The following NT5DC1 variants were observed in gnomAD, a reference collection of about 807,000 sequenced individuals.
NT5DC1 encodes 5'-nucleotidase domain-containing protein 1.
A neutral mutation model predicts 59.4 loss-of-function variants in NT5DC1; 42 were observed. The ratio of observed to expected loss-of-function variants is 0.71; its 90% CI spans 0.55 to 0.92. The LOEUF (loss-of-function observed/expected upper bound fraction) is 0.92. Ranked by LOEUF, NT5DC1 falls within the 40% of genes least tolerant of loss-of-function variation. The pLI, the probability that NT5DC1 is intolerant of heterozygous loss-of-function variation, is 0.00. For synonymous variants in NT5DC1, 172 were observed against 188.1 expected (o/e 0.91, Z 0.70); for missense variants, 501 against 537.1 (o/e 0.93, Z 0.66).
intron 8 of NT5DC1, among the ~76,000 whole-genome samples, chr6:116,230,847 G>T (rs968008248): frequency 6.6e-6 from 1 of 152,116 alleles, no homozygotes; most frequent in Admixed American, 6.6e-5. Flanking sequence ...CTGTCTGCAG[G>T]AATCTTTCTG....
At chr6:116,139,533 A>G (rs1052437153) in intron 6 of NT5DC1, among the ~76,000 whole-genome samples, 3 of 152,190 alleles carry the variant, frequency 2.0e-5, no homozygotes, top group Admixed American at 6.5e-5. Context: ...TGCATTTAAA[A>G]TGCATTTTAC....
In NT5DC1 at chr6:116,221,628, A is replaced by G. The variant is rs187276867; in HGVS notation, c.704+400A>G. 6.6e-5 allele frequency among the ~76,000 whole-genome samples: 10 copies of G among 152,320 alleles called. No individual in the cohort carries two copies. The East Asian group carries it at 1.9e-3, about 29-fold the overall frequency. Reference sequence around the variant, plus strand: ...TCTTTAGTCATTTCCGTGCGGAGCCATGTATTTTACTGTTTAACACAGCCA... The same window carrying G: ...TCTTTAGTCATTTCCGTGCGGAGCCGTGTATTTTACTGTTTAACACAGCCA... On this transcript the variant is annotated intron_variant, in intron 7 of 11. Coordinates refer to ENST00000319550, the MANE Select transcript of NT5DC1 (RefSeq NM_152729.3).
Position 116,243,952 on chromosome 6 carries a change from T to G in NT5DC1, c.1296T>G (p.Asn432Lys). The change falls in exon 12 of 12, where the codon AAT (asparagine) becomes AAG (lysine). Residue 432 changes from asparagine (N) to lysine (K), a missense_variant. By Grantham distance (94) the Asn-to-Lys change is moderately conservative. Transcript: ENST00000319550. ...DYKFTRFSSS[N>K]SKTAGYYPNP... Reference sequence around the variant, plus strand: ...AATTTACAAGATTCTCTTCAAGCAATTCAAAAACAGCTGGCTACTATCCAA... The same window carrying G: ...AATTTACAAGATTCTCTTCAAGCAAGTCAAAAACAGCTGGCTACTATCCAA... The G allele has an allele frequency of 6.3e-7, 1 of 1,582,486 alleles. No homozygotes were observed. The highest frequency in any genetic ancestry group is 8.7e-7 in the Non-Finnish European group (1 of 1,155,648).
chr6:116,136,003 A>G (rs556480095), intron 6 of NT5DC1, among the ~76,000 whole-genome samples: 2 of 152,054 alleles, frequency 1.3e-5, no homozygotes, highest in South Asian at 2.1e-4. Context: ...ATCTCGAACT[A>G]TAGTCACCAT....
Position 116,101,141 on chromosome 6 carries a change from T to A in NT5DC1, c.93+118T>A, listed in dbSNP as rs894531317. On this transcript the variant is annotated intron_variant, in intron 1 of 11. Transcript: ENST00000319550. ...CCCGGGGCCTGCGGCGGCCGAGTCT[T>A]GCCGCAGAGCGCGGCCTCCAGCGGC... 12 of 694,692 alleles carry A rather than the reference T, an allele frequency of 1.7e-5. No individual in the cohort carries two copies. In the African/African-American group the frequency reaches 2.1e-4, roughly 12 times the overall value. 43.0% of individuals were successfully genotyped at this position (694,692 alleles called of 1,614,324 possible). A position where few individuals can be genotyped will look rare whatever the true frequency, so the allele number is the denominator to read the frequency against.
chr6:116,220,122 C>CTTTTTTTTTTTTTTTTTTT (rs60827021), intron 6 of NT5DC1, among the ~76,000 whole-genome samples: 5 of 98,620 alleles, frequency 5.1e-5, no homozygotes, highest in African/African-American at 1.7e-4. Context: ...GCTGTTTAAC[C>CTTTTTTTTTTTTTTTTTTT]TTTTTTTTTT....
At chr6:116,177,181 G>A (rs187961938) in intron 6 of NT5DC1, among the ~76,000 whole-genome samples, 13 of 152,042 alleles carry the variant, frequency 8.6e-5, no homozygotes, top group Non-Finnish European at 1.6e-4. Context: ...TGAGCTTTTC[G>A]TTTCCAACAA....
chr6:116,198,524 G>A (rs562777038), intron 6 of NT5DC1, among the ~76,000 whole-genome samples: 4 of 151,962 alleles, frequency 2.6e-5, no homozygotes, highest in South Asian at 4.2e-4. Context: ...GAGGCCAGGA[G>A]TTCAAGACTA....
chr6:116,239,399 G>A (rs953041530), intron 11 of NT5DC1, among the ~76,000 whole-genome samples: 3 of 152,046 alleles, frequency 2.0e-5, no homozygotes, highest in Non-Finnish European at 2.9e-5. Context: ...CCAGTAAGGT[G>A]AACCTGGCAT....
chr6:116,189,767 G>A (rs1466021877), intron 6 of NT5DC1, among the ~76,000 whole-genome samples: 1 of 151,850 alleles, frequency 6.6e-6, no homozygotes. Context: ...ATAGAAGATG[G>A]ATACAAAAAT....
rs745701381 is a variant in NT5DC1 at position 116,125,387 on chromosome 6, G to A, written c.529+7442G>A. 4 of 1,613,566 alleles carry A rather than the reference G, an allele frequency of 2.5e-6. 1 individual carries two copies. In the South Asian group the frequency reaches 4.4e-5, roughly 18 times the overall value. On this transcript the variant is annotated intron_variant, in intron 6 of 11. Coordinates refer to ENST00000319550, the MANE Select transcript of NT5DC1 (RefSeq NM_152729.3). ...ATGAAGAACTGTGTCTTGGTGTTGGGTAGTGGGCCTTTTATGCCTGTGGGC... is the reference window on the plus strand; with the variant it reads ...ATGAAGAACTGTGTCTTGGTGTTGGATAGTGGGCCTTTTATGCCTGTGGGC...
chr6:116,211,592 G>A (rs1036989574), intron 6 of NT5DC1, among the ~76,000 whole-genome samples: 4 of 151,932 alleles, frequency 2.6e-5, no homozygotes, highest in African/African-American at 9.7e-5. Context: ...CATTAGCCAT[G>A]CCAAATAAGT....
intron 6 of NT5DC1, among the ~76,000 whole-genome samples, chr6:116,165,289 G>A (rs576616797): frequency 6.6e-6 from 1 of 152,000 alleles, no homozygotes; most frequent in South Asian, 2.1e-4. Context: ...CATTGACCTT[G>A]GATAGTCTGA....
At chr6:116,135,408 A>C (rs1779564792) in intron 6 of NT5DC1, among the ~76,000 whole-genome samples, 1 of 151,610 alleles carries the variant, frequency 6.6e-6, no homozygotes, top group South Asian at 2.1e-4. Context: ...AGCATCCATA[A>C]CCGCCCCCCC....
intron 7 of NT5DC1, among the ~76,000 whole-genome samples, chr6:116,222,558 A>G (rs548700833): frequency 6.6e-6 from 1 of 152,240 alleles, no homozygotes; most frequent in South Asian, 2.1e-4. Context: ...TGATTGTCAA[A>G]TAAAGTGTCT....
intron 6 of NT5DC1, among the ~76,000 whole-genome samples, chr6:116,132,990 A>G (rs1456518263): frequency 6.6e-6 from 1 of 152,194 alleles, no homozygotes; most frequent in African/African-American, 2.4e-5. Flanking sequence ...AGAGAAATTC[A>G]TGCATAAAAA....
In NT5DC1 at chr6:116,119,922, G is replaced by T. The variant is rs534102410; in HGVS notation, c.529+1977G>T. 86 of 741,932 alleles carry T rather than the reference G, an allele frequency of 1.2e-4. No individual in the cohort carries two copies. In the East Asian group the frequency reaches 1.4e-3, roughly 12 times the overall value. The allele number at this position is 741,932 out of a possible 1,614,324, so 46.0% of individuals were successfully genotyped here. On this transcript the variant is annotated intron_variant, in intron 6 of 11. Transcript: ENST00000319550. The stretch of plus-strand genomic sequence containing the variant: ...TTTACGTTGCTGCTCACTTTTCAGG[G>T]GGAAGGTTTGTTGGTCTGATAGCTC...
intron 6 of NT5DC1, among the ~76,000 whole-genome samples, chr6:116,182,855 G>C (rs1358660770): frequency 2.0e-5 from 3 of 151,898 alleles, no homozygotes; most frequent in Non-Finnish European, 2.9e-5. Flanking sequence ...TTACTCTGCT[G>C]ATTGTATTTT....
chr6:116,111,670 A>C (rs1778878229), intron 4 of NT5DC1, among the ~76,000 whole-genome samples: 2 of 152,174 alleles, frequency 1.3e-5, no homozygotes, highest in Admixed American at 6.5e-5. Context: ...GTAACCTGAA[A>C]ATAGTTGCAG....
Sources: gnomAD v4.1 joint callset for allele counts (sites outside exome capture counted in the v4.1 genomes callset) on GRCh38, gnomAD v4.1.1 for gene constraint, MANE v1.5 for transcripts, NCBI Gene and HGNC (gene_info 2026-07-23, HGNC 2026-07-21) for gene names.